Variants in PPP3CB observed in about 807,000 individuals in gnomAD.
PPP3CB encodes protein phosphatase 3 catalytic subunit beta, also known as serine/threonine-protein phosphatase 2B catalytic subunit beta isoform.
A neutral mutation model predicts 66.4 loss-of-function variants in PPP3CB; 8 were observed. The ratio of observed to expected loss-of-function variants is 0.12; its 90% CI spans 0.07 to 0.22. The LOEUF (loss-of-function observed/expected upper bound fraction) is 0.22, where lower values mean the gene tolerates loss of function less well. Ranked by LOEUF, PPP3CB falls within the 10% of genes least tolerant of loss-of-function variation. The probability of loss-of-function intolerance (pLI) is 1.00; values close to 1 mark genes in which losing one functional copy is unlikely to be tolerated. For synonymous variants in PPP3CB, 208 were observed against 221.2 expected (o/e 0.94, Z 0.53); for missense variants, 319 against 642.5 (o/e 0.50, Z 5.44).
At chr10:73,452,039 C>A (rs2056354660) in intron 10 of PPP3CB, among the ~76,000 whole-genome samples, 1 of 151,852 alleles carries the variant, frequency 6.6e-6, no homozygotes, top group South Asian at 2.1e-4. Flanking sequence ...AGCCACCACA[C>A]CCGGCTGGAA....
At chr10:73,460,265 C>CAAAAAAAAGA (rs2056500219) in intron 9 of PPP3CB, among the ~76,000 whole-genome samples, 1 of 35,818 alleles carries the variant, frequency 2.8e-5, no homozygotes. Context: ...AAAGTAATAG[C>CAAAAAAAAGA]AAAAAAAAAA....
intron 1 of PPP3CB, among the ~76,000 whole-genome samples, chr10:73,490,907 ACTGCAG>A (rs1303847043): frequency 1.3e-5 from 2 of 151,762 alleles, no homozygotes; most frequent in Admixed American, 1.3e-4. Context: ...ATCTCGGCTC[ACTGCAG>A]CCTCCACTTC....
intron 9 of PPP3CB, among the ~76,000 whole-genome samples, chr10:73,457,111 T>G (rs1009531421): frequency 6.6e-6 from 1 of 151,498 alleles, no homozygotes; most frequent in Non-Finnish European, 1.5e-5. Context: ...ATTAGAAAAC[T>G]TTTGTGCTTC....
At chr10:73,474,454 G>T (rs1256315114) in intron 4 of PPP3CB, among the ~76,000 whole-genome samples, 1 of 151,752 alleles carries the variant, frequency 6.6e-6, no homozygotes, top group African/African-American at 2.4e-5. Context: ...TTTGAGACAG[G>T]GTCTGACTCT....
At chr10:73,470,319 T>C (rs1218276783) in intron 8 of PPP3CB, among the ~76,000 whole-genome samples, 4 of 152,012 alleles carry the variant, frequency 2.6e-5, no homozygotes, top group Non-Finnish European at 4.4e-5. Flanking sequence ...ACTAAACAAG[T>C]AGACAGTGCA....
At chr10:73,488,403 C>T (rs989130063) in intron 1 of PPP3CB, among the ~76,000 whole-genome samples, 1 of 151,808 alleles carries the variant, frequency 6.6e-6, no homozygotes, top group Non-Finnish European at 1.5e-5. Flanking sequence ...CAAAATTAGC[C>T]AGGCATGGTG....
chr10:73,460,869 T>C (rs1361065228), intron 9 of PPP3CB, among the ~76,000 whole-genome samples: 1 of 152,214 alleles, frequency 6.6e-6, no homozygotes, highest in Non-Finnish European at 1.5e-5. Flanking sequence ...TCCACTTAGA[T>C]TTCAGAAGGT....
intron 9 of PPP3CB, among the ~76,000 whole-genome samples, chr10:73,464,019 C>T (rs1455049793): frequency 6.6e-6 from 1 of 152,158 alleles, no homozygotes; most frequent in East Asian, 1.9e-4. Flanking sequence ...CAACCTCCAC[C>T]TCCTGGGTTC....
At chr10:73,461,555 T>C (rs1470254348) in intron 9 of PPP3CB, among the ~76,000 whole-genome samples, 2 of 152,248 alleles carry the variant, frequency 1.3e-5, no homozygotes, top group East Asian at 3.9e-4. Flanking sequence ...GCAGGAATGT[T>C]TATTTTATCC....
At chr10:73,469,510 C>T (rs1244691999) in intron 8 of PPP3CB, among the ~76,000 whole-genome samples, 1 of 152,158 alleles carries the variant, frequency 6.6e-6, no homozygotes, top group Admixed American at 6.5e-5. Flanking sequence ...CCACTGCATT[C>T]CAGCCTGGGC....
chr10:73,443,304 G>GA (rs903274883), intron 12 of PPP3CB, among the ~76,000 whole-genome samples: 1 of 134,742 alleles, frequency 7.4e-6, no homozygotes, highest in Non-Finnish European at 1.6e-5. Flanking sequence ...AAGAAAGAAA[G>GA]AAAGAAAGAA....
chr10:73,482,793 T>G (rs1402291783), intron 1 of PPP3CB, among the ~76,000 whole-genome samples: 2 of 151,896 alleles, frequency 1.3e-5, no homozygotes, highest in Non-Finnish European at 2.9e-5. Context: ...AATCTTTGTA[T>G]TTTTAGTAGA....
chr10:73,443,282 A>AAGACAGACAGACAGACAGAC (rs1286657975), intron 12 of PPP3CB, among the ~76,000 whole-genome samples: 2 of 112,550 alleles, frequency 1.8e-5, no homozygotes, highest in African/African-American at 6.7e-5. Context: ...GAAAGAAAGA[A>AAGACAGACAGACAGACAGAC]AGACAGAAAG....
chr10:73,495,872 C>A lies in PPP3CB; in HGVS notation c.18G>T (p.Pro6=), dbSNP rs1224083016. 5.7e-6 allele frequency: 7 copies of A among 1,220,212 alleles called. No homozygotes were observed. Among genetic ancestry groups the A allele is most frequent in the Non-Finnish European group, 7.2e-6 (7 of 969,882 alleles). The allele number at this position is 1,220,212 out of a possible 1,614,324, so 75.6% of individuals were successfully genotyped here. A position where few individuals can be genotyped will look rare whatever the true frequency, so the allele number is the denominator to read the frequency against. Residue 6 remains proline (P), a synonymous_variant, in exon 1 of 14, where the codon CCG becomes CCT. Transcript: ENST00000360663. The part of the protein sequence containing the change: MAAPE[P]ARAAPPPPPP... Reference sequence around the variant, plus strand: ...GGGGTGGGGGCGGTGCAGCCCGGGCCGGCTCCGGGGCGGCCATGCTGGGCC... The same window carrying A: ...GGGGTGGGGGCGGTGCAGCCCGGGCAGGCTCCGGGGCGGCCATGCTGGGCC...
chr10:73,478,661 T>C (rs764534096), intron 2 of PPP3CB, 38 bp from the exon 3 acceptor site: 4 of 1,578,222 alleles, frequency 2.5e-6, no homozygotes, highest in Non-Finnish European at 3.4e-6. Context: ...GAAAAAAATC[T>C]CTAAAACAAC....
At chr10:73,454,802 T>C (rs1467314868) in intron 9 of PPP3CB, among the ~76,000 whole-genome samples, 2 of 151,268 alleles carry the variant, frequency 1.3e-5, no homozygotes, top group African/African-American at 4.8e-5. Context: ...CAAATCTTCA[T>C]TCATGGATAT....
At chr10:73,455,864 C>T (rs568382888) in intron 9 of PPP3CB, among the ~76,000 whole-genome samples, 1 of 152,166 alleles carries the variant, frequency 6.6e-6, no homozygotes, top group East Asian at 1.9e-4. Flanking sequence ...GCCACCGCGC[C>T]CAGCCTGTCA....
chr10:73,457,564 C>T (rs1410768982), intron 9 of PPP3CB, among the ~76,000 whole-genome samples: 3 of 151,566 alleles, frequency 2.0e-5, no homozygotes, highest in African/African-American at 7.3e-5. Flanking sequence ...ATGGTGAAAC[C>T]CTGTCTCTAC....
chr10:73,487,359 C>T (rs2056996019), intron 1 of PPP3CB, among the ~76,000 whole-genome samples: 1 of 151,836 alleles, frequency 6.6e-6, no homozygotes, highest in South Asian at 2.1e-4. Context: ...AACAGCCTGG[C>T]CAACATGGCG....
Sources: gnomAD v4.1 joint callset for allele counts (sites outside exome capture counted in the v4.1 genomes callset) on GRCh38, gnomAD v4.1.1 for gene constraint, MANE v1.5 for transcripts, NCBI Gene and HGNC (gene_info 2026-07-23, HGNC 2026-07-21) for gene names.